The following CYP4A22 variants were observed in gnomAD, a reference collection of about 807,000 sequenced individuals.
CYP4A22 encodes the protein cytochrome P450 family 4 subfamily A member 22.
A neutral mutation model predicts 56.2 loss-of-function variants in CYP4A22; 46 were observed. That is an observed-to-expected ratio of 0.82 (90% CI 0.65 to 1.05). The LOEUF is 1.05. Ranked by LOEUF, CYP4A22 falls within the 50% of genes least tolerant of loss-of-function variation. The pLI, the probability that CYP4A22 is intolerant of heterozygous loss-of-function variation, is 0.00. For synonymous variants in CYP4A22, 193 were observed against 251.1 expected, an observed-to-expected ratio of 0.77 and a Z score of 2.19; for missense variants, 541 against 645.9, an observed-to-expected ratio of 0.84 and a Z score of 1.76.
intron 1 of CYP4A22, among the ~76,000 whole-genome samples, chr1:47,138,319 A>G (rs904976337): frequency 4.1e-4 from 62 of 152,264 alleles, no homozygotes; most frequent in African/African-American, 1.4e-3. Context: ...GTACACATGA[A>G]GGGGGCAGCC....
intron 9 of CYP4A22, 58 bp downstream of exon 9, chr1:47,145,028 G>A (rs558376693): frequency 1.2e-6 from 2 of 1,601,928 alleles, no homozygotes; most frequent in Admixed American, 1.7e-5. Context: ...TGGAGGGTGA[G>A]AAATCCATGT....
intron 2 of CYP4A22, 126 bp from the exon 3 acceptor site, chr1:47,141,445 T>A: frequency 9.6e-7 from 1 of 1,042,656 alleles, no homozygotes; most frequent in South Asian, 1.6e-5. Context: ...TAGAAGTGGA[T>A]GGGAGTCAAG....
intron 1 of CYP4A22, 149 bp from the exon 2 acceptor site, chr1:47,140,631 C>T: frequency 8.0e-7 from 1 of 1,252,462 alleles, no homozygotes; most frequent in Non-Finnish European, 1.1e-6. Flanking sequence ...TGGGGAGATA[C>T]AAAGAATCTG....
chr1:47,144,313 G>T (rs780226229), intron 6 of CYP4A22, 44 bp from the exon 7 acceptor site: 12 of 1,596,620 alleles, frequency 7.5e-6, no homozygotes, highest in Middle Eastern at 1.7e-4. Context: ...CCTGGGGGCT[G>T]CTGACGGTCT....
chr1:47,137,643 G>A lies in CYP4A22; in HGVS notation c.158G>A (p.Cys53Tyr). The A allele has an allele frequency of 6.2e-7, 1 of 1,613,660 alleles. No homozygotes were observed. The highest frequency in any genetic ancestry group is 8.5e-7 in the Non-Finnish European group (1 of 1,179,714). Residue 53 changes from cysteine to tyrosine, a missense_variant, in exon 1 of 12, where the codon TGC (cysteine) becomes TAC (tyrosine). Physicochemically the swap from Cys to Tyr is radical, Grantham distance 194. Transcript: ENST00000371891. Reference protein sequence around the residue: ...WLLKALQQFPCPPSHWLFGHI... With the variant: ...WLLKALQQFPYPPSHWLFGHI... Reference sequence around the variant, plus strand: ...CTCAAAGCCCTCCAGCAGTTCCCGTGCCCTCCCTCCCACTGGCTCTTCGGG... The same window carrying A: ...CTCAAAGCCCTCCAGCAGTTCCCGTACCCTCCCTCCCACTGGCTCTTCGGG...
chr1:47,141,817 T>C lies in CYP4A22; in HGVS notation c.382+202T>C, dbSNP rs182246027. Among the ~76,000 whole-genome samples, 764 of 152,352 alleles carry C rather than the reference T, an allele frequency of 5.0e-3. 9 individuals are homozygous for C. The highest frequency in any genetic ancestry group is 0.014 in the Admixed American group (215 of 15,304). ...CTGAGGCTCAGCTTCTTCCATTTCA[T>C]GTCTCAGTTCTCTCCAGACATCCTT... On this transcript the variant is annotated intron_variant, in intron 3 of 11. Transcript: ENST00000371891.
chr1:47,148,316 C>A (rs1001088676), intron 11 of CYP4A22, among the ~76,000 whole-genome samples: 1 of 152,186 alleles, frequency 6.6e-6, no homozygotes, highest in African/African-American at 2.4e-5. Flanking sequence ...AGACTCTGTG[C>A]CTTAGAGCCC....
chr1:47,140,667 A>G, intron 1 of CYP4A22, 113 bp from the exon 2 acceptor site: 1 of 1,486,526 alleles, frequency 6.7e-7, no homozygotes, highest in African/African-American at 1.4e-5. Context: ...CATCAGAAAC[A>G]GATCTAAATC....
In CYP4A22 at chr1:47,144,716, T is replaced by C. The variant is rs370559458; in HGVS notation, c.1064T>C (p.Leu355Pro). Residue 355 changes from leucine to proline, a missense_variant, in exon 8 of 12, where the codon CTG (leucine) becomes CCG (proline). Physicochemically the swap from Leu to Pro is moderately conservative, Grantham distance 98. This residue lies in a region of CYP4A22 where 204 missense variants were observed against 258.9 expected (regional missense o/e 0.79). Transcript: ENST00000371891. Reference sequence around the variant, plus strand: ...TGCCGGGAGGAGATCCATGGCCTCCTGGGTGATGGAGCCTCCATCACCTGG... The same window carrying C: ...TGCCGGGAGGAGATCCATGGCCTCCCGGGTGATGGAGCCTCCATCACCTGG... ...ERCREEIHGL[L>P]GDGASITWNH... The C allele has an allele frequency of 2.5e-6, 4 of 1,613,910 alleles. No individual in the cohort carries two copies. The African/African-American group carries it at 5.3e-5, about 22-fold the overall frequency.
chr1:47,143,966 T>A lies in CYP4A22; in HGVS notation c.790+50T>A, dbSNP rs750494406. 4.3e-5 allele frequency: 68 copies of A among 1,567,494 alleles called. 1 individual carries two copies. The highest frequency in any genetic ancestry group is 5.7e-5 in the Non-Finnish European group (66 of 1,156,046). On this transcript the variant is annotated intron_variant, in intron 6 of 11. Coordinates refer to ENST00000371891, the MANE Select transcript of CYP4A22 (RefSeq NM_001010969.4). Reference sequence around the variant, plus strand: ...CAGCCTTTCCCAGGCACAGTGAAAGTACCTGCCCTGACTCCTCAGGCAGAG... The same window carrying A: ...CAGCCTTTCCCAGGCACAGTGAAAGAACCTGCCCTGACTCCTCAGGCAGAG...
intron 5 of CYP4A22, 27 bp from the exon 6 acceptor site, chr1:47,143,735 C>T (rs10890469): frequency 0.14 from 218,714 of 1,582,750 alleles, 16,676 homozygotes; most frequent in East Asian, 0.24. Flanking sequence ...ACCCCTACTG[C>T]GGTCTCTTCT....
In CYP4A22 at chr1:47,140,926, G is replaced by A; in HGVS notation, c.337+5G>A. On this transcript the variant is annotated splice_donor_5th_base_variant and intron_variant, in intron 2 of 11. Coordinates refer to ENST00000371891, the MANE Select transcript of CYP4A22 (RefSeq NM_001010969.4). ...AGGTGATTCTGGGGAGATCAGGTGAGATCGAACCCCCATCCCAACTGCAAT... is the reference window on the plus strand; with the variant it reads ...AGGTGATTCTGGGGAGATCAGGTGAAATCGAACCCCCATCCCAACTGCAAT... 1.2e-6 allele frequency: 2 copies of A among 1,613,600 alleles called. No individual in the cohort carries two copies. The highest frequency in any genetic ancestry group is 1.7e-6 in the Non-Finnish European group (2 of 1,179,824).
intron 11 of CYP4A22, chr1:47,146,362 C>A: frequency 7.0e-7 from 1 of 1,425,258 alleles, no homozygotes; most frequent in Non-Finnish European, 9.2e-7. Context: ...ACTTTGCTCC[C>A]TCTGCTTCTT....
At chr1:47,147,431 C>A in intron 11 of CYP4A22, 1 of 984,862 alleles carries the variant, frequency 1.0e-6, no homozygotes, top group Non-Finnish European at 1.2e-6. Flanking sequence ...AAGTCCTATG[C>A]AGCATGATGA....
chr1:47,141,689 A>G, intron 3 of CYP4A22, 74 bp downstream of exon 3: 1 of 1,568,598 alleles, frequency 6.4e-7, no homozygotes, highest in Non-Finnish European at 8.7e-7. Context: ...ACAGAGAACA[A>G]CAGATTAGAG....
intron 9 of CYP4A22, 58 bp from the exon 10 acceptor site, chr1:47,145,808 T>C (rs1206667257): frequency 4.3e-6 from 7 of 1,609,732 alleles, no homozygotes; most frequent in South Asian, 1.1e-5. Flanking sequence ...CAGGCTGAAG[T>C]ACCAGGCCAC....
At position 47,137,512 on chromosome 1, in the gene CYP4A22, C is replaced by T. The variant is rs199572592; in HGVS notation, c.27C>T (p.Ser9=). 1.3e-4 allele frequency: 215 copies of T among 1,613,744 alleles called. 2 individuals are homozygous for T. In the South Asian group the frequency reaches 2.2e-3, roughly 17 times the overall value. ...TGAGTGTCTCTGTCCTGAGCCCCAG[C>T]AGACGCCTGGGTGGTGTCTCCGGGA... MSVSVLSP[S]RRLGGVSGIL... is the part of the protein sequence containing the mutation. Residue 9 remains serine, a synonymous_variant, in exon 1 of 12, where the codon AGC becomes AGT. Coordinates refer to ENST00000371891, the MANE Select transcript of CYP4A22 (RefSeq NM_001010969.4).
chr1:47,147,990 G>C (rs1310328213), intron 11 of CYP4A22, among the ~76,000 whole-genome samples: 1 of 152,190 alleles, frequency 6.6e-6, no homozygotes, highest in Admixed American at 6.5e-5. Context: ...AAGGCTACAG[G>C]GGCTGGTGGA....
intron 7 of CYP4A22, 39 bp from the exon 8 acceptor site, chr1:47,144,511 C>G (rs776689519): frequency 2.5e-6 from 4 of 1,613,842 alleles, no homozygotes; most frequent in Non-Finnish European, 3.4e-6. Context: ...AAGTACATAG[C>G]AAGAGACAAG....
Sources: allele counts gnomAD v4.1 joint callset (sites outside exome capture counted in the v4.1 genomes callset), GRCh38; gene constraint gnomAD v4.1.1; regional missense constraint gnomAD v4.1.1; transcripts MANE v1.5; gene names NCBI Gene and HGNC (gene_info 2026-07-23, HGNC 2026-07-21).